Variants in BARD1 observed in about 807,000 individuals in gnomAD.
BARD1 encodes BRCA1-associated RING domain protein 1.
Under a neutral mutation model 77.0 loss-of-function variants are expected in BARD1, and 73 were observed. The observed-to-expected ratio is 0.95, with a 90% CI of 0.79 to 1.15. The LOEUF (loss-of-function observed/expected upper bound fraction) is 1.15. BARD1 is among the 50% of genes most tolerant of loss of function. The probability of loss-of-function intolerance (pLI) is 0.00; values close to 1 mark genes in which losing one functional copy is unlikely to be tolerated. For synonymous variants in BARD1, 384 were observed against 338.0 expected (o/e 1.14, Z -1.49); for missense variants, 993 against 938.8 (o/e 1.06, Z -0.75).
At chr2:214,765,751 T>TACACAC (rs147394459) in intron 6 of BARD1, among the ~76,000 whole-genome samples, 1 of 150,238 alleles carries the variant, frequency 6.7e-6, no homozygotes, top group African/African-American at 2.4e-5. Context: ...CGCACGTGTG[T>TACACAC]ACACACACAC....
intron 6 of BARD1, among the ~76,000 whole-genome samples, chr2:214,758,442 A>T (rs1053417083): frequency 2.1e-4 from 32 of 152,228 alleles, no homozygotes; most frequent in African/African-American, 7.5e-4. Context: ...ATAAGGGCAC[A>T]AAATAAGTTA....
At chr2:214,807,911 A>C (rs777085942) in intron 1 of BARD1, among the ~76,000 whole-genome samples, 10 of 152,230 alleles carry the variant, frequency 6.6e-5, no homozygotes, top group Non-Finnish European at 1.3e-4. Flanking sequence ...TATTGCAACT[A>C]GCAGTGCCAG....
intron 6 of BARD1, among the ~76,000 whole-genome samples, chr2:214,755,614 T>C (rs1050597569): frequency 6.6e-6 from 1 of 152,164 alleles, no homozygotes; most frequent in Non-Finnish European, 1.5e-5. Flanking sequence ...AACTGGAATA[T>C]GGTGGTTAAC....
chr2:214,728,204 C>A lies in BARD1; in HGVS notation c.*472G>T. On this transcript the variant is annotated 3_prime_UTR_variant, in exon 11 of 11. Transcript: ENST00000260947. ...CAATTGCAGATAGGAGAATTTAACACCTATGGTGGCACATTTAGACCAAAT... is the reference window on the plus strand; with the variant it reads ...CAATTGCAGATAGGAGAATTTAACAACTATGGTGGCACATTTAGACCAAAT... 1 of 231,990 alleles carries A rather than the reference C, an allele frequency of 4.3e-6. No homozygotes were observed. The allele number at this position is 231,990 out of a possible 1,614,324, so 14.4% of individuals were successfully genotyped here. A position where few individuals can be genotyped will look rare whatever the true frequency, so the allele number is the denominator to read the frequency against.
chr2:214,747,053 A>G (rs1693155950), intron 7 of BARD1, among the ~76,000 whole-genome samples: 1 of 152,102 alleles, frequency 6.6e-6, no homozygotes, highest in Admixed American at 6.6e-5. Context: ...AAGGATATGA[A>G]CAGACACTTC....
chr2:214,759,001 C>A (rs971659491), intron 6 of BARD1, among the ~76,000 whole-genome samples: 2 of 152,092 alleles, frequency 1.3e-5, no homozygotes, highest in African/African-American at 4.8e-5. Context: ...ATGAATGAAA[C>A]CCTTCATGAA....
chr2:214,795,329 T>A (rs1695710613), intron 2 of BARD1, among the ~76,000 whole-genome samples: 2 of 152,066 alleles, frequency 1.3e-5, no homozygotes, highest in Non-Finnish European at 2.9e-5. Flanking sequence ...TTTGGTGTAT[T>A]GAATGAGCTA....
chr2:214,768,643 T>C (rs4423591), intron 5 of BARD1, among the ~76,000 whole-genome samples: 5,424 of 152,304 alleles, frequency 0.036, 110 homozygotes, highest in Middle Eastern at 0.068. Flanking sequence ...TCAAATCTCA[T>C]GTTTGTCCTA....
chr2:214,808,338 G>A (rs941279868), intron 1 of BARD1, among the ~76,000 whole-genome samples: 1 of 152,234 alleles, frequency 6.6e-6, no homozygotes, highest in Admixed American at 6.5e-5. Context: ...GAACCCGGGA[G>A]GCGGAGCTTG....
intron 9 of BARD1, among the ~76,000 whole-genome samples, chr2:214,740,346 G>A (rs915774611): frequency 4.0e-5 from 6 of 151,856 alleles, no homozygotes; most frequent in Non-Finnish European, 5.9e-5. Context: ...CCAATTAATC[G>A]TTAGAAAAGT....
intron 4 of BARD1, among the ~76,000 whole-genome samples, chr2:214,779,673 TTGTGGACCTCCA>T (rs1264104852): frequency 6.6e-6 from 1 of 152,196 alleles, no homozygotes; most frequent in Non-Finnish European, 1.5e-5. Context: ...AGCCTCATGT[TTGTGGACCTCCA>T]AGTGGTTCCT....
At chr2:214,808,694 A>G (rs2106168433) in intron 1 of BARD1, among the ~76,000 whole-genome samples, 1 of 97,858 alleles carries the variant, frequency 1.0e-5, no homozygotes, top group East Asian at 5.5e-4. Flanking sequence ...GCTACACGAA[A>G]AAAAGCAAGA....
chr2:214,780,822 G>T lies in BARD1; in HGVS notation c.1052C>A (p.Thr351Lys). ...LSTSGDFVKQ[T>K]VPSENIPLPE... ...CAATGGTATATTTTCTGAGGGCACCGTTTGCTTAACAAAATCTCCACTGGT... is the reference window on the plus strand; with the variant it reads ...CAATGGTATATTTTCTGAGGGCACCTTTTGCTTAACAAAATCTCCACTGGT... The change falls in exon 4 of 11, where the codon ACG becomes AAG. Residue 351 changes from threonine to lysine, a missense_variant. Physicochemically the swap from Thr to Lys is moderately conservative, Grantham distance 78. Coordinates refer to ENST00000260947, the MANE Select transcript of BARD1 (RefSeq NM_000465.4). 1 of 1,614,040 alleles carries T rather than the reference G, an allele frequency of 6.2e-7. No individual in the cohort carries two copies. The highest frequency in any genetic ancestry group is 8.5e-7 in the Non-Finnish European group (1 of 1,179,974).
chr2:214,739,921 T>C (rs904643900), intron 9 of BARD1, among the ~76,000 whole-genome samples: 4 of 152,046 alleles, frequency 2.6e-5, no homozygotes, highest in Admixed American at 6.6e-5. Context: ...TTAAATTCTA[T>C]TGCAAAAATA....
At chr2:214,782,159 G>T (rs536255193) in intron 3 of BARD1, among the ~76,000 whole-genome samples, 1 of 152,118 alleles carries the variant, frequency 6.6e-6, no homozygotes, top group African/African-American at 2.4e-5. Context: ...GACCCTTTAG[G>T]TATCATCTAA....
intron 1 of BARD1, among the ~76,000 whole-genome samples, chr2:214,802,605 A>G (rs1179742328): frequency 2.0e-5 from 3 of 152,246 alleles, no homozygotes; most frequent in Non-Finnish European, 4.4e-5. Context: ...ACCATTACCT[A>G]CCTAGCATGG....
intron 7 of BARD1, among the ~76,000 whole-genome samples, chr2:214,751,984 C>T (rs2053710): frequency 0.49 from 74,312 of 151,916 alleles, 18,350 homozygotes; most frequent in East Asian, 0.56. Flanking sequence ...AACATTCAGG[C>T]TTCAATTCAA....
chr2:214,809,385 G>C (rs779971633), intron 1 of BARD1, 27 bp downstream of exon 1: 14 of 1,611,718 alleles, frequency 8.7e-6, no homozygotes, highest in Non-Finnish European at 1.2e-5. Flanking sequence ...TGCCCTCGCA[G>C]CCACCCCCAA....
Position 214,780,992 on chromosome 2 carries a change from C to T in BARD1, c.882G>A (p.Arg294=), listed in dbSNP as rs778855056. The T allele has an allele frequency of 2.0e-5, 32 of 1,613,326 alleles. No homozygotes were observed. The East Asian group carries it at 6.9e-4, about 35-fold the overall frequency. ...EQIESPDTKS[R]NEVVTPEKVC... The stretch of plus-strand genomic sequence containing the variant: ...CCTTCTCAGGAGTCACTACTTCATT[C>T]CTGCTCTTAGTGTCTGGAGACTCTA... Residue 294 remains arginine, a synonymous_variant, in exon 4 of 11, where the codon AGG becomes AGA. Transcript: ENST00000260947.
Sources: gnomAD v4.1 joint callset for allele counts (sites outside exome capture counted in the v4.1 genomes callset) on GRCh38, gnomAD v4.1.1 for gene constraint, MANE v1.5 for transcripts, NCBI Gene and HGNC (gene_info 2026-07-23, HGNC 2026-07-21) for gene names.